The following ARFGEF1 variants were observed in gnomAD, a reference collection of about 807,000 sequenced individuals.
ARFGEF1 encodes brefeldin A-inhibited guanine nucleotide-exchange protein 1.
A neutral mutation model predicts 231.0 loss-of-function variants in ARFGEF1; 42 were observed. The observed-to-expected ratio is 0.18, with a 90% CI of 0.14 to 0.24. The LOEUF is 0.24. ARFGEF1 is among the 10% of genes least tolerant of loss of function. ARFGEF1 has a pLI of 1.00. For missense variants in ARFGEF1, 1,345 were observed against 2,192.0 expected, an observed-to-expected ratio of 0.61 and a Z score of 7.72; for synonymous variants, 710 against 732.3, an observed-to-expected ratio of 0.97 and a Z score of 0.49.
intron 1 of ARFGEF1, among the ~76,000 whole-genome samples, chr8:67,313,761 C>A (rs1807179918): frequency 6.6e-6 from 1 of 152,126 alleles, no homozygotes; most frequent in Admixed American, 6.5e-5. Context: ...GTGGTGCTTT[C>A]CAGAAAGCAT....
intron 1 of ARFGEF1, among the ~76,000 whole-genome samples, chr8:67,318,955 A>T (rs970928542): frequency 6.6e-6 from 1 of 152,248 alleles, no homozygotes; most frequent in African/African-American, 2.4e-5. Context: ...ACAGAACGAG[A>T]CCCTGTCTCA....
chr8:67,302,905 T>TAAAAAAAAAAAAAA (rs1563902346), intron 1 of ARFGEF1, among the ~76,000 whole-genome samples: 4 of 100,232 alleles, frequency 4.0e-5, no homozygotes, highest in African/African-American at 1.5e-4. Context: ...ACCCCATCTC[T>TAAAAAAAAAAAAAA]TAAAAAAAAA....
At chr8:67,271,640 T>C in intron 10 of ARFGEF1, 62 bp downstream of exon 10, 6 of 1,201,750 alleles carry the variant, frequency 5.0e-6, no homozygotes, top group South Asian at 2.8e-5. Flanking sequence ...TATTCAAATA[T>C]AATTTAACAT....
intron 27 of ARFGEF1, among the ~76,000 whole-genome samples, chr8:67,226,451 TTGAA>T (rs978747815): frequency 2.1e-4 from 32 of 152,236 alleles, no homozygotes; most frequent in African/African-American, 6.5e-4. Flanking sequence ...TCAACTTTGG[TTGAA>T]TGAATATACA....
intron 30 of ARFGEF1, 44 bp downstream of exon 30, chr8:67,219,387 C>CT (rs1188354124): frequency 6.3e-7 from 1 of 1,582,556 alleles, no homozygotes. Flanking sequence ...TACTGAGAAT[C>CT]TTTTAACTTG....
chr8:67,274,004 A>C (rs1418729465), intron 9 of ARFGEF1, among the ~76,000 whole-genome samples: 1 of 152,216 alleles, frequency 6.6e-6, no homozygotes, highest in East Asian at 1.9e-4. Flanking sequence ...TTAACAAAAT[A>C]TCTTGTACAC....
At chr8:67,199,895 G>A (rs780137579) in intron 38 of ARFGEF1, 6 of 228,452 alleles carry the variant, frequency 2.6e-5, no homozygotes, top group Non-Finnish European at 4.5e-5. Context: ...TCATATATGT[G>A]TATTTTATCT....
At chr8:67,227,921 A>G in intron 25 of ARFGEF1, 42 bp downstream of exon 25, 1 of 1,454,446 alleles carries the variant, frequency 6.9e-7, no homozygotes, top group Non-Finnish European at 9.1e-7. Context: ...TAAACAAAAA[A>G]TATACTACAA....
At chr8:67,253,293 C>T (rs1385350652) in intron 18 of ARFGEF1, among the ~76,000 whole-genome samples, 158 bp downstream of exon 18, 10 of 152,048 alleles carry the variant, frequency 6.6e-5, no homozygotes, top group Admixed American at 6.5e-4. Flanking sequence ...ATATGCTGGT[C>T]TCGAACTCCT....
chr8:67,290,768 C>T (rs1340843904), intron 6 of ARFGEF1, among the ~76,000 whole-genome samples: 1 of 152,140 alleles, frequency 6.6e-6, no homozygotes, highest in Admixed American at 6.6e-5. Context: ...GCAGGCTAGA[C>T]AAATGTAAAT....
At chr8:67,248,991 A>G (rs1464990703) in intron 19 of ARFGEF1, among the ~76,000 whole-genome samples, 3 of 150,466 alleles carry the variant, frequency 2.0e-5, no homozygotes, top group Non-Finnish European at 2.9e-5. Flanking sequence ...AAAAGTTTAT[A>G]TCCCTTAATA....
chr8:67,228,644 C>T (rs955924181), intron 23 of ARFGEF1, among the ~76,000 whole-genome samples: 1 of 151,944 alleles, frequency 6.6e-6, no homozygotes, highest in Admixed American at 6.6e-5. Context: ...TAAGCAAGTT[C>T]TTAAAATGAA....
At chr8:67,223,799 T>C (rs1839282509) in intron 29 of ARFGEF1, among the ~76,000 whole-genome samples, 1 of 152,184 alleles carries the variant, frequency 6.6e-6, no homozygotes, top group African/African-American at 2.4e-5. Flanking sequence ...AGTCATGATA[T>C]GTCAGCCGCT....
At chr8:67,226,548 C>T (rs559815227) in intron 27 of ARFGEF1, among the ~76,000 whole-genome samples, 31 of 152,052 alleles carry the variant, frequency 2.0e-4, no homozygotes, top group Admixed American at 1.5e-3. Flanking sequence ...GTAAGCACTA[C>T]GTAAAATAAT....
chr8:67,192,006 T>C (rs1836387729), intron 5 of ARFGEF1, among the ~76,000 whole-genome samples: 1 of 152,166 alleles, frequency 6.6e-6, no homozygotes, highest in Admixed American at 6.5e-5. Flanking sequence ...CTTTTCATGG[T>C]TTATTAGCCA....
intron 1 of ARFGEF1, among the ~76,000 whole-genome samples, chr8:67,339,795 C>G (rs181991145): frequency 6.3e-3 from 90 of 14,238 alleles, no homozygotes; most frequent in African/African-American, 0.024. Context: ...CAGTGTGGGG[C>G]GGGGGGGGGG....
chr8:67,225,094 T>C (rs1839327415), intron 28 of ARFGEF1, 61 bp from the exon 29 acceptor site: 2 of 1,379,554 alleles, frequency 1.4e-6, no homozygotes, highest in Non-Finnish European at 1.9e-6. Flanking sequence ...TTCAGTATAC[T>C]AACTTCTCAA....
chr8:67,219,407 A>C, intron 30 of ARFGEF1, 24 bp downstream of exon 30: 1 of 1,599,292 alleles, frequency 6.3e-7, no homozygotes, highest in Non-Finnish European at 8.5e-7. Flanking sequence ...GACTAAGCTA[A>C]ATGAAAATTG....
intron 19 of ARFGEF1, among the ~76,000 whole-genome samples, chr8:67,242,353 A>C (rs939936200): frequency 6.6e-6 from 1 of 152,230 alleles, no homozygotes; most frequent in East Asian, 1.9e-4. Flanking sequence ...TTTGTCTTGC[A>C]TCTCTAAAAC....
Sources: allele counts gnomAD v4.1 joint callset (sites outside exome capture counted in the v4.1 genomes callset), GRCh38; gene constraint gnomAD v4.1.1; transcripts MANE v1.5; gene names NCBI Gene and HGNC (gene_info 2026-07-23, HGNC 2026-07-21).